CYTH4: variants seen among roughly 807,000 people sequenced by gnomAD.
CYTH4 encodes cytohesin 4, also known as cytohesin-4.
A neutral mutation model predicts 57.5 loss-of-function variants in CYTH4; 22 were observed. The ratio of observed to expected loss-of-function variants is 0.38; its 90% CI spans 0.27 to 0.55. CYTH4 has a LOEUF of 0.55. CYTH4 is among the 20% of genes least tolerant of loss of function. CYTH4 has a pLI of 0.74. For missense variants in CYTH4, 420 were observed against 535.6 expected (o/e 0.78, Z 2.13); for synonymous variants, 186 against 206.5 (o/e 0.90, Z 0.85).
In CYTH4 at chr22:37,285,350, TGTG is replaced by T. The variant is rs147807027; in HGVS notation, c.19+2783_19+2785del. Among the ~76,000 whole-genome samples the T allele has an allele frequency of 2.0e-3, 301 of 151,476 alleles. 2 individuals are homozygous for T. The highest frequency in any genetic ancestry group is 4.9e-3 in the Admixed American group (75 of 15,232). On this transcript the variant is annotated intron_variant, in intron 1 of 12. Coordinates refer to ENST00000248901, the MANE Select transcript of CYTH4 (RefSeq NM_013385.5). ...AGATAAGTGAGAAGGAAACGGGGTG[TGTG>T]GTGGTGGTGGTGGTGGTGGTAATTT...
At position 37,296,036 on chromosome 22, in the gene CYTH4, C is replaced by A. The variant is rs762128641; in HGVS notation, c.205C>A (p.Arg69Ser). 1 of 1,613,300 alleles carries A rather than the reference C, an allele frequency of 6.2e-7. No individual in the cohort carries two copies. The highest frequency in any genetic ancestry group is 1.7e-4 in the Middle Eastern group (1 of 6,056). ...GAAGGAGAAGGAGCTGTGTATTGGGCGCAAGAAGTTCAACATGGACCCCGC... is the reference window on the plus strand; with the variant it reads ...GAAGGAGAAGGAGCTGTGTATTGGGAGCAAGAAGTTCAACATGGACCCCGC... ...AQKEKELCIGRKKFNMDPAKG... is the reference protein window; with the variant it reads ...AQKEKELCIGSKKFNMDPAKG... Residue 69 changes from arginine (R) to serine (S), a missense_variant, in exon 4 of 13, where the codon CGC (arginine) becomes AGC (serine). Transcript: ENST00000248901.
intron 8 of CYTH4, among the ~76,000 whole-genome samples, chr22:37,307,286 G>T (rs997110438): frequency 2.0e-5 from 3 of 152,254 alleles, no homozygotes; most frequent in African/African-American, 7.2e-5. Flanking sequence ...CGCAGAAGCT[G>T]CTGGGTCCCC....
chr22:37,285,086 G>A (rs937592814), intron 1 of CYTH4, among the ~76,000 whole-genome samples: 2 of 152,232 alleles, frequency 1.3e-5, no homozygotes, highest in Non-Finnish European at 2.9e-5. Flanking sequence ...TTTATTTAGG[G>A]CCCTGAGATG....
At position 37,297,665 on chromosome 22, in the gene CYTH4, T is replaced by C. The variant is rs753448440; in HGVS notation, c.336T>C (p.Gly112=). ...KGEGLNKTAI[G]TYLGERDPIN... ...AGGGCCTCAACAAGACAGCCATTGGTACCTACCTGGGGGAGAGGTAAGAAC... is the reference window on the plus strand; with the variant it reads ...AGGGCCTCAACAAGACAGCCATTGGCACCTACCTGGGGGAGAGGTAAGAAC... The change falls in exon 5 of 13, where the codon GGT becomes GGC. Residue 112 remains glycine, a synonymous_variant. Coordinates refer to ENST00000248901, the MANE Select transcript of CYTH4 (RefSeq NM_013385.5). 9.9e-6 allele frequency: 16 copies of C among 1,613,836 alleles called. No homozygotes were observed. The East Asian group carries it at 3.3e-4, about 34-fold the overall frequency.
rs770573958 is a variant in CYTH4 at position 37,296,000 on chromosome 22, C to T, written c.169C>T (p.Arg57Trp). ...IDCFESAEES[R>W]MAQKEKELCI... ...AAGCTGACGTCCTCATGTCCACAGC[C>T]GGATGGCCCAGAAGGAGAAGGAGCT... The change falls in exon 4 of 13, where the codon CGG (arginine) becomes TGG (tryptophan). Residue 57 changes from arginine (R) to tryptophan (W), a missense_variant and splice_region_variant. Transcript: ENST00000248901. This position sits in a 1 kb window ranked among gnomAD's most constrained non-coding sequence, Gnocchi z 4.1. 14 of 1,612,452 alleles carry T rather than the reference C, an allele frequency of 8.7e-6. No homozygotes were observed. The highest frequency in any genetic ancestry group is 3.3e-5 in the South Asian group (3 of 90,692).
chr22:37,300,945 A>C lies in CYTH4; in HGVS notation c.473A>C (p.Gln158Pro). 1 of 1,614,200 alleles carries C rather than the reference A, an allele frequency of 6.2e-7. No homozygotes were observed. Among genetic ancestry groups the C allele is most frequent in the Non-Finnish European group, 8.5e-7 (1 of 1,180,028 alleles). Residue 158 changes from glutamine (Q) to proline (P), a missense_variant, in exon 7 of 13, where the codon CAG (glutamine) becomes CCG (proline). By Grantham distance (76) the Gln-to-Pro change is moderately conservative. Coordinates refer to ENST00000248901, the MANE Select transcript of CYTH4 (RefSeq NM_013385.5). ...LWSFRLPGEAQKIDRMMEAFA... is the reference protein window; with the variant it reads ...LWSFRLPGEAPKIDRMMEAFA... Reference sequence around the variant, plus strand: ...AGCTTCCGGCTGCCGGGCGAGGCCCAGAAGATAGACCGGATGATGGAGGCC... The same window carrying C: ...AGCTTCCGGCTGCCGGGCGAGGCCCCGAAGATAGACCGGATGATGGAGGCC...
At position 37,311,190 on chromosome 22, in the gene CYTH4, T is replaced by C. The variant is rs947513330; in HGVS notation, c.885+126T>C. On this transcript the variant is annotated intron_variant, in intron 10 of 12. Coordinates refer to ENST00000248901, the MANE Select transcript of CYTH4 (RefSeq NM_013385.5). The surrounding 1 kb of genome is among the most constrained non-coding windows in gnomAD (Gnocchi z 4.4). ...TTTGAGATCATTCAGTCCCCCTCCA[T>C]GCCCATTTTACAGATGGGGAAAACG... The C allele has an allele frequency of 6.3e-6, 7 of 1,114,740 alleles. No individual in the cohort carries two copies. The highest frequency in any genetic ancestry group is 1.9e-5 in the Admixed American group (1 of 52,644). The allele number at this position is 1,114,740 out of a possible 1,614,324, so 69.1% of individuals were successfully genotyped here.
chr22:37,307,720 C>A (rs925683567), intron 8 of CYTH4, among the ~76,000 whole-genome samples: 2 of 152,188 alleles, frequency 1.3e-5, no homozygotes, highest in African/African-American at 2.4e-5. Flanking sequence ...ACAAACACAG[C>A]GAAAGGAAAT....
chr22:37,303,374 G>T lies in CYTH4; in HGVS notation c.668G>T (p.Gly223Val), dbSNP rs760778626. The T allele has an allele frequency of 6.2e-7, 1 of 1,614,014 alleles. No homozygotes were observed. The highest frequency in any genetic ancestry group is 8.5e-7 in the Non-Finnish European group (1 of 1,179,974). The change falls in exon 8 of 13, where the codon GGT (glycine) becomes GTT (valine). Residue 223 changes from glycine to valine, a missense_variant. Gly to Val is a moderately radical substitution (Grantham distance 109). Coordinates refer to ENST00000248901, the MANE Select transcript of CYTH4 (RefSeq NM_013385.5). ...TCCATGAACCGCGGCATCAACAATG[G>T]TAGCGACCTGCCCGAGGACCAGCTG... is the stretch of plus-strand genomic sequence containing the variant. ...FVSMNRGINN[G>V]SDLPEDQLRN...
At chr22:37,303,451 G>C in intron 8 of CYTH4, 49 bp downstream of exon 8, 1 of 1,587,244 alleles carries the variant, frequency 6.3e-7, no homozygotes, top group African/African-American at 1.4e-5. Flanking sequence ...ATCCAGGAGG[G>C]ACCTGTCCTT....
chr22:37,285,730 C>A (rs528455898), intron 1 of CYTH4, among the ~76,000 whole-genome samples: 85 of 152,006 alleles, frequency 5.6e-4, no homozygotes, highest in Admixed American at 3.4e-3. Flanking sequence ...AACAAACAAA[C>A]AAAAAAACAT....
At chr22:37,283,782 G>A (rs576104425) in intron 1 of CYTH4, among the ~76,000 whole-genome samples, 1 of 152,192 alleles carries the variant, frequency 6.6e-6, no homozygotes, top group African/African-American at 2.4e-5. Context: ...CAAAATCACA[G>A]CTCAGTGAGC....
Position 37,294,254 on chromosome 22 carries a change from C to A in CYTH4, c.103-406C>A, listed in dbSNP as rs1928862735. The stretch of plus-strand genomic sequence containing the variant: ...TGGAGGTGGGCAGGGTGGAGGCGGG[C>A]AGGGTGGAGGTGGGCTGGGGGAGGT... On this transcript the variant is annotated intron_variant, in intron 2 of 12. Transcript: ENST00000248901. Among the ~76,000 whole-genome samples the A allele has an allele frequency of 1.3e-4, 3 of 23,610 alleles. No individual in the cohort carries two copies. In the South Asian group the frequency reaches 4.5e-3, roughly 35 times the overall value. 15.5% of individuals were successfully genotyped at this position (23,610 alleles called of 152,430 possible).
In CYTH4 at chr22:37,311,851, G is replaced by A. The variant is rs970871638; in HGVS notation, c.958-169G>A. On this transcript the variant is annotated intron_variant, in intron 11 of 12. Transcript: ENST00000248901. The surrounding 1 kb of genome is among the most constrained non-coding windows in gnomAD (Gnocchi z 4.4). ...TTTAGGGAGGATGGTGGATTCAGGAGCCTGCCACAGAGAGAGTGCTCAGTG... is the reference window on the plus strand; with the variant it reads ...TTTAGGGAGGATGGTGGATTCAGGAACCTGCCACAGAGAGAGTGCTCAGTG... The A allele has an allele frequency of 2.3e-6, 2 of 855,252 alleles. No individual in the cohort carries two copies. The highest frequency in any genetic ancestry group is 3.5e-6 in the Non-Finnish European group (2 of 574,670). The allele number at this position is 855,252 out of a possible 1,614,324, so 53.0% of individuals were successfully genotyped here. A position where few individuals can be genotyped will look rare whatever the true frequency, so the allele number is the denominator to read the frequency against.
chr22:37,286,512 G>C (rs1205242123), intron 1 of CYTH4, among the ~76,000 whole-genome samples: 1 of 152,150 alleles, frequency 6.6e-6, no homozygotes, highest in Non-Finnish European at 1.5e-5. Context: ...CTTGGTTATT[G>C]AGCCATGCAG....
At chr22:37,302,835 C>T (rs1409478088) in intron 7 of CYTH4, among the ~76,000 whole-genome samples, 1 of 152,168 alleles carries the variant, frequency 6.6e-6, no homozygotes. Flanking sequence ...GCAGCAGTGG[C>T]TCAGCCCTGA....
chr22:37,297,653 G>C lies in CYTH4; in HGVS notation c.324G>C (p.Lys108Asn). ...RFLYKGEGLN[K>N]TAIGTYLGER... ...TGTATAAAGGCGAGGGCCTCAACAA[G>C]ACAGCCATTGGTACCTACCTGGGGG... The change falls in exon 5 of 13, where the codon AAG (lysine) becomes AAC (asparagine). Residue 108 changes from lysine (K) to asparagine (N), a missense_variant. By Grantham distance (94) the Lys-to-Asn change is moderately conservative. Transcript: ENST00000248901. 1 of 1,613,940 alleles carries C rather than the reference G, an allele frequency of 6.2e-7. No individual in the cohort carries two copies. The highest frequency in any genetic ancestry group is 8.5e-7 in the Non-Finnish European group (1 of 1,179,866).
At chr22:37,294,763 G>T in intron 3 of CYTH4, 39 bp downstream of exon 3, 1 of 1,611,756 alleles carries the variant, frequency 6.2e-7, no homozygotes, top group Non-Finnish European at 8.5e-7. Context: ...AACTGCCATG[G>T]TTGCTTCCCA....
In CYTH4 at chr22:37,297,553, A is replaced by G; in HGVS notation, c.235-11A>G. On this transcript the variant is annotated splice_polypyrimidine_tract_variant and intron_variant, in intron 4 of 12. Coordinates refer to ENST00000248901, the MANE Select transcript of CYTH4 (RefSeq NM_013385.5). ...CAGCAGCTGCTCACGGCTTCTGTGT[A>G]CCCCCTCCAGGGTATCCAGTATTTC... 1 of 1,611,566 alleles carries G rather than the reference A, an allele frequency of 6.2e-7. No homozygotes were observed. The highest frequency in any genetic ancestry group is 1.3e-5 in the African/African-American group (1 of 74,790).
Sources: allele counts gnomAD v4.1 joint callset (sites outside exome capture counted in the v4.1 genomes callset), GRCh38; gene constraint gnomAD v4.1.1; non-coding constraint Gnocchi (gnomAD v3.1); transcripts MANE v1.5; gene names NCBI Gene and HGNC (gene_info 2026-07-23, HGNC 2026-07-21).